Variants in TMEM39B observed in about 807,000 individuals in gnomAD.
TMEM39B encodes the protein transmembrane protein 39B.
In TMEM39B, 23 loss-of-function variants were observed where a neutral mutation model predicts 52.2. The ratio of observed to expected loss-of-function variants is 0.44; its 90% CI spans 0.32 to 0.62. The LOEUF is 0.62. Among genes scored for constraint, TMEM39B ranks in the 20% least tolerant of loss-of-function variants. The probability of loss-of-function intolerance (pLI) is 0.06; values close to 1 mark genes in which losing one functional copy is unlikely to be tolerated. For synonymous variants in TMEM39B, 285 were observed against 264.0 expected (o/e 1.08, Z -0.77); for missense variants, 547 against 642.0 (o/e 0.85, Z 1.60).
chr1:32,072,856 C>G (rs1639692743), upstream of TMEM39B: 7 of 622,968 alleles, frequency 1.1e-5, no homozygotes, highest in South Asian at 1.4e-4. Context: ...CCGCCTCCGT[C>G]CGGGCGGCCC....
chr1:32,078,803 G>T (rs1009081762), intron 5 of TMEM39B, among the ~76,000 whole-genome samples: 1 of 151,976 alleles, frequency 6.6e-6, no homozygotes, highest in African/African-American at 2.4e-5. Context: ...ACCACGCCTG[G>T]CTACTTTTTG....
rs776523618 is a variant in TMEM39B at position 32,089,649 on chromosome 1, A to AT, written c.591-2010dup. On this transcript the variant is annotated intron_variant, in intron 5 of 8. Transcript: ENST00000336294. ...GACCCCCAGAAAAAAGTAAAAGGAGATTTTTTTTTTTTTTTTAAATGGAGT... is the reference window on the plus strand; with the variant it reads ...GACCCCCAGAAAAAAGTAAAAGGAGATTTTTTTTTTTTTTTTTAAATGGAGT... Among the ~76,000 whole-genome samples, 966 of 135,198 alleles carry AT rather than the reference A, an allele frequency of 7.1e-3. 13 individuals carry two copies. Among genetic ancestry groups the AT allele is most frequent in the African/African-American group, 0.022 (795 of 36,668 alleles). The allele number at this position is 135,198 out of a possible 152,430, so 88.7% of individuals were successfully genotyped here. A position where few individuals can be genotyped will look rare whatever the true frequency, so the allele number is the denominator to read the frequency against.
chr1:32,077,041 C>A, intron 4 of TMEM39B, 123 bp from the exon 5 acceptor site: 1 of 1,415,406 alleles, frequency 7.1e-7, no homozygotes, highest in African/African-American at 1.4e-5. Flanking sequence ...TTGCCAGGTT[C>A]TGCCCAGCCT....
At chr1:32,093,399 C>CTTTTTTTTTTTTTTTTTTT (rs34793281) in intron 6 of TMEM39B, among the ~76,000 whole-genome samples, 1 of 50,328 alleles carries the variant, frequency 2.0e-5, no homozygotes, top group African/African-American at 5.4e-5. Flanking sequence ...AAGCCCGGCC[C>CTTTTTTTTTTTTTTTTTTT]TTTTTTTTTT....
upstream of TMEM39B, chr1:32,072,816 G>A (rs1358014039): frequency 1.8e-6 from 1 of 547,028 alleles, no homozygotes; most frequent in Non-Finnish European, 3.2e-6. Flanking sequence ...GAAGGGCGTG[G>A]GGGACCGAGA....
chr1:32,074,975 C>T lies in TMEM39B; in HGVS notation c.29C>T (p.Thr10Ile), dbSNP rs2124421557. The T allele has an allele frequency of 6.4e-7, 1 of 1,551,550 alleles. No homozygotes were observed. Among genetic ancestry groups the T allele is most frequent in the Non-Finnish European group, 8.7e-7 (1 of 1,146,932 alleles). ...GGAGGACGAAGAGGTCCCAACAGGACATCTTACTGTCGAAATCCGCTCTGT... is the reference window on the plus strand; with the variant it reads ...GGAGGACGAAGAGGTCCCAACAGGATATCTTACTGTCGAAATCCGCTCTGT... MGGRRGPNR[T>I]SYCRNPLCEP... The change falls in exon 2 of 9, where the codon ACA (threonine) becomes ATA (isoleucine). Residue 10 changes from threonine to isoleucine, a missense_variant. Thr to Ile is a moderately conservative substitution (Grantham distance 89). Transcript: ENST00000336294.
chr1:32,096,195 A>G (rs954148116), intron 7 of TMEM39B, among the ~76,000 whole-genome samples: 2 of 151,978 alleles, frequency 1.3e-5, no homozygotes, highest in Non-Finnish European at 2.9e-5. Context: ...TGGTCTTTCC[A>G]TTCTTTCTAT....
chr1:32,076,688 C>T lies in TMEM39B; in HGVS notation c.352-75C>T, dbSNP rs781586532. ...AGTCTCTGTGGAAAGAAATGGGCAG[C>T]GGGAGGTGGGTATGAAAAAAGCCTG... On this transcript the variant is annotated intron_variant, in intron 3 of 8. Coordinates refer to ENST00000336294, the MANE Select transcript of TMEM39B (RefSeq NM_018056.4). 14 of 1,402,632 alleles carry T rather than the reference C, an allele frequency of 1.0e-5. No homozygotes were observed. In the South Asian group the frequency reaches 1.2e-4, roughly 12 times the overall value. 86.9% of individuals were successfully genotyped at this position (1,402,632 alleles called of 1,614,324 possible).
At chr1:32,101,442 TA>T (rs548642650) in intron 8 of TMEM39B, among the ~76,000 whole-genome samples, 4 of 150,962 alleles carry the variant, frequency 2.6e-5, no homozygotes, top group Non-Finnish European at 5.9e-5. Context: ...CCCCCTTTTT[TA>T]AAAAAAACAA....
At position 32,072,994 on chromosome 1, in the gene TMEM39B, A is replaced by T; in HGVS notation, c.-54A>T. The stretch of plus-strand genomic sequence containing the variant: ...CCTCTCCCGGCCGCCGTCGCCTCCG[A>T]CATATTGCCCGCAGGAGCTGCGGCG... On this transcript the variant is annotated 5_prime_UTR_variant, in exon 1 of 9. Transcript: ENST00000336294. The T allele has an allele frequency of 6.5e-7, 1 of 1,532,998 alleles. No homozygotes were observed. Among genetic ancestry groups the T allele is most frequent in the Non-Finnish European group, 8.8e-7 (1 of 1,138,510 alleles). 95.0% of individuals were successfully genotyped at this position (1,532,998 alleles called of 1,614,324 possible).
chr1:32,077,338 C>T lies in TMEM39B; in HGVS notation c.590+20C>T. ...CTATCCGTGAGTACCCCTCACTTCA[C>T]CCCTCACTGCCCAGCACCTGGCCCC... On this transcript the variant is annotated intron_variant, in intron 5 of 8. Transcript: ENST00000336294. The T allele has an allele frequency of 1.2e-6, 2 of 1,613,740 alleles. No homozygotes were observed. The highest frequency in any genetic ancestry group is 1.7e-6 in the Non-Finnish European group (2 of 1,179,756).
At chr1:32,075,551 C>T (rs1475941644) in intron 2 of TMEM39B, 52 bp from the exon 3 acceptor site, 5 of 1,517,948 alleles carry the variant, frequency 3.3e-6, no homozygotes, top group Non-Finnish European at 4.5e-6. Context: ...AGAAGCCCTT[C>T]CTGGTAGGAT....
chr1:32,082,267 A>G (rs138074652), intron 5 of TMEM39B, among the ~76,000 whole-genome samples: 8 of 152,046 alleles, frequency 5.3e-5, no homozygotes, highest in East Asian at 3.9e-4. Flanking sequence ...ACATTCTCCT[A>G]TGTAACCACA....
chr1:32,088,812 C>G (rs185193477), intron 5 of TMEM39B, among the ~76,000 whole-genome samples: 1 of 151,906 alleles, frequency 6.6e-6, no homozygotes, highest in African/African-American at 2.4e-5. Flanking sequence ...ACATAGGTGC[C>G]CCCGCCCCCT....
chr1:32,075,508 C>T, intron 2 of TMEM39B, 95 bp from the exon 3 acceptor site: 2 of 1,325,684 alleles, frequency 1.5e-6, no homozygotes, highest in Non-Finnish European at 2.1e-6. Context: ...CTATGAGCTG[C>T]TTTTCTGATC....
At chr1:32,092,570 A>C (rs1476282386) in intron 6 of TMEM39B, among the ~76,000 whole-genome samples, 1 of 152,112 alleles carries the variant, frequency 6.6e-6, no homozygotes, top group East Asian at 1.9e-4. Context: ...GGCTTACTGC[A>C]ACCTCCACCT....
At chr1:32,080,348 C>T (rs945502159) in intron 5 of TMEM39B, among the ~76,000 whole-genome samples, 3 of 151,986 alleles carry the variant, frequency 2.0e-5, no homozygotes, top group African/African-American at 4.8e-5. Flanking sequence ...AATTGTCCTT[C>T]GAAAGGGTTG....
At chr1:32,098,209 C>G (rs1455005920) in intron 7 of TMEM39B, among the ~76,000 whole-genome samples, 1 of 151,486 alleles carries the variant, frequency 6.6e-6, no homozygotes, top group East Asian at 2.0e-4. Context: ...CCATGTTGGC[C>G]AGGCTGGTCT....
chr1:32,075,318 G>A (rs1639808167), intron 2 of TMEM39B, among the ~76,000 whole-genome samples: 2 of 152,220 alleles, frequency 1.3e-5, no homozygotes, highest in African/African-American at 4.8e-5. Context: ...CTCCAGATTT[G>A]CTGATGGCTT....
Sources: gnomAD v4.1 joint callset for allele counts (sites outside exome capture counted in the v4.1 genomes callset) on GRCh38, gnomAD v4.1.1 for gene constraint, MANE v1.5 for transcripts, NCBI Gene and HGNC (gene_info 2026-07-23, HGNC 2026-07-21) for gene names.